Variants in SLC39A14 observed in about 807,000 individuals in gnomAD.
The protein encoded by SLC39A14 is metal cation symporter ZIP14.
A neutral mutation model predicts 45.5 loss-of-function variants in SLC39A14; 19 were observed. The ratio of observed to expected loss-of-function variants is 0.42; its 90% CI spans 0.29 to 0.61. SLC39A14 has a LOEUF of 0.61. Among genes scored for constraint, SLC39A14 ranks in the 20% least tolerant of loss-of-function variants. The pLI is 0.22. For missense variants in SLC39A14, 447 were observed against 616.5 expected (o/e 0.73, Z 2.91); for synonymous variants, 264 against 251.3 (o/e 1.05, Z -0.48).
intron 3 of SLC39A14, among the ~76,000 whole-genome samples, chr8:22,410,491 GTCTGGGC>G (rs370078431): frequency 0.18 from 27,389 of 152,104 alleles, 5,868 homozygotes; most frequent in African/African-American, 0.52. Flanking sequence ...CAGTACTCAG[GTCTGGGC>G]ACCAAGAGCT....
intron 1 of SLC39A14, among the ~76,000 whole-genome samples, chr8:22,369,623 G>A (rs567062388): frequency 6.6e-6 from 1 of 152,342 alleles, no homozygotes; most frequent in South Asian, 2.1e-4. Flanking sequence ...GTTCAGTTCA[G>A]AGAGCGGGCA....
intron 1 of SLC39A14, among the ~76,000 whole-genome samples, chr8:22,401,603 A>C (rs537455484): frequency 8.0e-6 from 1 of 125,158 alleles, no homozygotes; most frequent in East Asian, 2.4e-4. Flanking sequence ...GCTGGAGTGC[A>C]GTGGCACTAT....
chr8:22,395,386 T>A (rs1023301172), intron 1 of SLC39A14, among the ~76,000 whole-genome samples: 2 of 152,198 alleles, frequency 1.3e-5, no homozygotes, highest in Non-Finnish European at 2.9e-5. Flanking sequence ...TTGGTTTAAG[T>A]TTTCTTGTCC....
At chr8:22,392,779 C>CCCTCCCTCCCTCCCTCCT (rs1210284924) in intron 1 of SLC39A14, 1 of 148,124 alleles carries the variant, frequency 6.8e-6, no homozygotes, top group African/African-American at 2.4e-5. Context: ...CAAATGTGCT[C>CCCTCCCTCCCTCCCTCCT]CCTCCCTCCC....
chr8:22,398,487 G>A (rs1248954764), intron 1 of SLC39A14, among the ~76,000 whole-genome samples: 3 of 152,094 alleles, frequency 2.0e-5, no homozygotes, highest in Non-Finnish European at 4.4e-5. Context: ...GTGTTTCTGC[G>A]CCCAGAATCT....
chr8:22,386,360 G>A (rs149801963), intron 1 of SLC39A14, among the ~76,000 whole-genome samples: 4,528 of 150,350 alleles, frequency 0.03, 213 homozygotes, highest in African/African-American at 0.1. Flanking sequence ...TCCGCCTCCC[G>A]GGTTCGAGGG....
At chr8:22,426,040 G>A (rs542749624), downstream of SLC39A14, among the ~76,000 whole-genome samples, 14 of 152,192 alleles carry the variant, frequency 9.2e-5, no homozygotes, top group South Asian at 2.1e-4. Flanking sequence ...TTATAGGCAT[G>A]AGCCACCAAG....
chr8:22,431,175 G>A lies in SLC39A14; in HGVS notation c.1333-2716G>A, dbSNP rs547206889. On this transcript the variant is annotated intron_variant, in intron 8 of 8. Coordinates refer to the SLC39A14 transcript ENST00000240095. Reference sequence around the variant, plus strand: ...GCTAATTTTTTGTATTTTTAGTAGAGACAGGGTTTCACTGTGTTAGCCAGG... The same window carrying A: ...GCTAATTTTTTGTATTTTTAGTAGAAACAGGGTTTCACTGTGTTAGCCAGG... 7.9e-5 allele frequency among the ~76,000 whole-genome samples: 12 copies of A among 151,776 alleles called. No individual in the cohort carries two copies. In the East Asian group the frequency reaches 2.1e-3, roughly 27 times the overall value.
intron 3 of SLC39A14, among the ~76,000 whole-genome samples, chr8:22,409,665 C>T (rs11775961): frequency 0.25 from 38,007 of 152,044 alleles, 5,528 homozygotes; most frequent in East Asian, 0.51. Context: ...TATAGGCTTG[C>T]GCCACCGCAC....
At position 22,419,710 on chromosome 8, in the gene SLC39A14, G is replaced by A; in HGVS notation, c.*12G>A. The A allele has an allele frequency of 6.4e-7, 1 of 1,574,308 alleles. No individual in the cohort carries two copies. The highest frequency in any genetic ancestry group is 1.7e-4 in the Middle Eastern group (1 of 5,762). On this transcript the variant is annotated 3_prime_UTR_variant, in exon 9 of 9. Transcript: ENST00000381237. ...TCCAGATTGGGTAGGGCTCTGCCAAGAGCCTGTGGGACTGGAAGTCGGGCC... is the reference window on the plus strand; with the variant it reads ...TCCAGATTGGGTAGGGCTCTGCCAAAAGCCTGTGGGACTGGAAGTCGGGCC...
At chr8:22,382,920 G>A (rs1166014458) in intron 1 of SLC39A14, among the ~76,000 whole-genome samples, 1 of 150,624 alleles carries the variant, frequency 6.6e-6, no homozygotes, top group Non-Finnish European at 1.5e-5. Flanking sequence ...GTTTCACTAT[G>A]TTGGCCAGGT....
At chr8:22,403,425 G>A (rs1442877759) in intron 1 of SLC39A14, among the ~76,000 whole-genome samples, 2 of 151,574 alleles carry the variant, frequency 1.3e-5, no homozygotes, top group Non-Finnish European at 2.9e-5. Context: ...GATTACAGAC[G>A]TGCACCACCA....
At chr8:22,401,588 C>G (rs1319069989) in intron 1 of SLC39A14, among the ~76,000 whole-genome samples, 2 of 128,988 alleles carry the variant, frequency 1.6e-5, no homozygotes, top group African/African-American at 5.6e-5. Flanking sequence ...TGCTCTGTCC[C>G]CCAGGCTGGA....
At position 22,404,710 on chromosome 8, in the gene SLC39A14, C is replaced by T. The variant is rs1835101769; in HGVS notation, c.-1C>T. 6.3e-7 allele frequency: 1 copy of T among 1,591,426 alleles called. No homozygotes were observed. Among genetic ancestry groups the T allele is most frequent in the Admixed American group, 1.7e-5 (1 of 59,218 alleles). ...TTCTCTCACAGGTTTATTCAGTCAC[C>T]ATGAAGCTGCTGCTGCTGCACCCGG... On this transcript the variant is annotated 5_prime_UTR_variant, in exon 2 of 9. Transcript: ENST00000381237.
At position 22,375,845 on chromosome 8, in the gene SLC39A14, C is replaced by G. The variant is rs929376154; in HGVS notation, c.-16+8437C>G. Among the ~76,000 whole-genome samples, 3 of 152,260 alleles carry G rather than the reference C, an allele frequency of 2.0e-5. No individual in the cohort carries two copies. The East Asian group carries it at 5.8e-4, about 29-fold the overall frequency. ...TTTTATTTTAAACTTTTCTTTTGAA[C>G]TAATTTTAGATGTACAGAAGAGTTG... On this transcript the variant is annotated intron_variant, in intron 1 of 8. Coordinates refer to ENST00000381237, the MANE Select transcript of SLC39A14 (RefSeq NM_001128431.4).
intron 1 of SLC39A14, among the ~76,000 whole-genome samples, chr8:22,382,819 A>G (rs1020858095): frequency 1.3e-5 from 2 of 151,888 alleles, no homozygotes; most frequent in African/African-American, 2.4e-5. Flanking sequence ...GGCTCAAGCA[A>G]TCCTCCTGCC....
chr8:22,407,418 T>C (rs1411013282), intron 2 of SLC39A14, among the ~76,000 whole-genome samples: 1 of 152,162 alleles, frequency 6.6e-6, no homozygotes, highest in African/African-American at 2.4e-5. Flanking sequence ...TGGAGTGCAG[T>C]GGCGCGATCT....
chr8:22,422,839 T>G, downstream of SLC39A14: 17 of 431,760 alleles, frequency 3.9e-5, no homozygotes, highest in Non-Finnish European at 4.9e-5. Flanking sequence ...GTTGTTGTTA[T>G]TGAGACAGAG....
downstream of SLC39A14, among the ~76,000 whole-genome samples, chr8:22,425,028 CAAAAAAAAAAAAAAAAA>C (rs71544902): frequency 1.3e-5 from 1 of 74,344 alleles, no homozygotes; most frequent in Non-Finnish European, 2.7e-5. Context: ...GACTCCGTCT[CAAAAAAAAAAAAAAAAA>C]AAAAAGACTA....
Sources: gnomAD v4.1 joint callset for allele counts (sites outside exome capture counted in the v4.1 genomes callset) on GRCh38, gnomAD v4.1.1 for gene constraint, MANE v1.5 for transcripts, NCBI Gene and HGNC (gene_info 2026-07-23, HGNC 2026-07-21) for gene names.